The following MSI2 variants were observed in gnomAD, a reference collection of about 807,000 sequenced individuals.
MSI2 encodes musashi RNA binding protein 2.
MSI2 carries 17 observed loss-of-function variants against 45.6 expected under a neutral mutation model. That is an observed-to-expected ratio of 0.37 (90% CI 0.26 to 0.56). The LOEUF is 0.56. Among genes scored for constraint, MSI2 ranks in the 20% least tolerant of loss-of-function variants. MSI2 has a pLI of 0.77. For missense variants in MSI2, 293 were observed against 444.2 expected (o/e 0.66, Z 3.06); for synonymous variants, 156 against 158.2 (o/e 0.99, Z 0.11).
intron 8 of MSI2, among the ~76,000 whole-genome samples, chr17:57,602,509 C>G (rs1457403755): frequency 1.3e-5 from 2 of 152,152 alleles, no homozygotes; most frequent in African/African-American, 2.4e-5. Context: ...TGCGCCACCA[C>G]GCCCAGCTAA....
chr17:57,330,524 C>T (rs1437381496), intron 5 of MSI2, among the ~76,000 whole-genome samples: 1 of 152,110 alleles, frequency 6.6e-6, no homozygotes, highest in Non-Finnish European at 1.5e-5. Context: ...GGTTATCTGT[C>T]TGCCTCGGCC....
chr17:57,652,012 G>T lies in MSI2; in HGVS notation c.728-87G>T, dbSNP rs893077536. 1.7e-6 allele frequency: 2 copies of T among 1,205,306 alleles called. No individual in the cohort carries two copies. Among genetic ancestry groups the T allele is most frequent in the South Asian group, 1.2e-5 (1 of 81,468 alleles). 74.7% of individuals were successfully genotyped at this position (1,205,306 alleles called of 1,614,324 possible). A position where few individuals can be genotyped will look rare whatever the true frequency, so the allele number is the denominator to read the frequency against. On this transcript the variant is annotated intron_variant, in intron 10 of 13. Coordinates refer to ENST00000284073, the MANE Select transcript of MSI2 (RefSeq NM_138962.4). The surrounding 1 kb of genome is among the most constrained non-coding windows in gnomAD (Gnocchi z 4.1). ...CCACTCCTGTCTTTGTGTGGAGGGCGGGGGGTTGTGTGGCCCGTGACCTAG... is the reference window on the plus strand; with the variant it reads ...CCACTCCTGTCTTTGTGTGGAGGGCTGGGGGTTGTGTGGCCCGTGACCTAG...
rs1048107232 is a variant in MSI2, at chr17:57,676,713, C to G, written c.946-274C>G. Among the ~76,000 whole-genome samples, 3 of 152,214 alleles carry G rather than the reference C, an allele frequency of 2.0e-5. No individual in the cohort carries two copies. The East Asian group carries it at 5.8e-4, about 29-fold the overall frequency. ...ACATGCCCATCACTGGGGGCACAAACCCCCGTTTCCCACCATCCACCCACG... is the reference window on the plus strand; with the variant it reads ...ACATGCCCATCACTGGGGGCACAAAGCCCCGTTTCCCACCATCCACCCACG... On this transcript the variant is annotated intron_variant, in intron 12 of 13. Transcript: ENST00000284073.
intron 7 of MSI2, among the ~76,000 whole-genome samples, chr17:57,589,835 T>A (rs1736692031): frequency 6.6e-6 from 1 of 152,226 alleles, no homozygotes; most frequent in African/African-American, 2.4e-5. Context: ...GTCACTGAAC[T>A]GTGCAGAGCA....
rs186635155 is a variant in MSI2 at position 57,348,259 on chromosome 17, A to G, written c.313-53120A>G. On this transcript the variant is annotated intron_variant, in intron 5 of 13. Coordinates refer to ENST00000284073, the MANE Select transcript of MSI2 (RefSeq NM_138962.4). ...TAGGGGTTGAGTTGGGAGTCACAGG[A>G]GGCAGGCAGGGAGTGATGGATGCCT... Among the ~76,000 whole-genome samples, 191 of 152,248 alleles carry G rather than the reference A, an allele frequency of 1.3e-3. 2 individuals are homozygous for G. The highest frequency in any genetic ancestry group is 0.01 in the East Asian group (54 of 5,166).
chr17:57,617,194 G>T (rs532725341), intron 9 of MSI2, among the ~76,000 whole-genome samples: 1 of 152,324 alleles, frequency 6.6e-6, no homozygotes, highest in South Asian at 2.1e-4. Context: ...AAAGATGCCA[G>T]GAGAATATTA....
intron 7 of MSI2, among the ~76,000 whole-genome samples, chr17:57,591,601 C>T (rs1265228818): frequency 6.6e-6 from 1 of 151,800 alleles, no homozygotes; most frequent in Non-Finnish European, 1.5e-5. Flanking sequence ...GTGGCACACA[C>T]CTGTAGTCTC....
At chr17:57,513,384 A>C (rs1364311667) in intron 6 of MSI2, among the ~76,000 whole-genome samples, 3 of 152,216 alleles carry the variant, frequency 2.0e-5, no homozygotes, top group African/African-American at 7.2e-5. Context: ...CACACAGCTA[A>C]TAAATACTAG....
chr17:57,316,682 C>T (rs981382757), intron 5 of MSI2, among the ~76,000 whole-genome samples: 12 of 152,156 alleles, frequency 7.9e-5, no homozygotes, highest in African/African-American at 2.4e-4. Context: ...CCCATGTGTA[C>T]TTGCCCCCTT....
intron 5 of MSI2, among the ~76,000 whole-genome samples, chr17:57,291,373 G>A (rs1247826518): frequency 6.6e-6 from 1 of 152,148 alleles, no homozygotes; most frequent in Non-Finnish European, 1.5e-5. Context: ...ATAGCAGAGA[G>A]GATACAATTC....
At chr17:57,639,193 G>T (rs530564629) in intron 10 of MSI2, among the ~76,000 whole-genome samples, 3 of 152,256 alleles carry the variant, frequency 2.0e-5, no homozygotes, top group African/African-American at 7.2e-5. Flanking sequence ...ATAAATTTTG[G>T]CAGGGACATA....
intron 5 of MSI2, among the ~76,000 whole-genome samples, chr17:57,287,134 T>TG (rs1259235852): frequency 1.1e-4 from 17 of 151,624 alleles, no homozygotes; most frequent in Non-Finnish European, 2.4e-4. Context: ...AAAAGTTGTT[T>TG]TTTTTTTTTT....
chr17:57,553,398 T>C (rs905355141), intron 7 of MSI2, among the ~76,000 whole-genome samples: 9 of 152,178 alleles, frequency 5.9e-5, no homozygotes, highest in Non-Finnish European at 1.2e-4. Flanking sequence ...TTTTCTAGGC[T>C]GGGATGAAAG....
chr17:57,670,891 G>C (rs1912723720), intron 11 of MSI2, among the ~76,000 whole-genome samples: 1 of 152,182 alleles, frequency 6.6e-6, no homozygotes, highest in Non-Finnish European at 1.5e-5. Flanking sequence ...TCTTGAAGCA[G>C]TCCCATGAGT....
chr17:57,652,272 A>C lies in MSI2; in HGVS notation c.790+111A>C, dbSNP rs1598494009. The C allele has an allele frequency of 6.4e-6, 7 of 1,097,068 alleles. No individual in the cohort carries two copies. Among genetic ancestry groups the C allele is most frequent in the Non-Finnish European group, 9.4e-6 (7 of 742,122 alleles). 68.0% of individuals were successfully genotyped at this position (1,097,068 alleles called of 1,614,324 possible). ...GCATCTGTCCAACACCACTCTCACCACAGCCCCGGGGAGGGGGTGGACGGG... is the reference window on the plus strand; with the variant it reads ...GCATCTGTCCAACACCACTCTCACCCCAGCCCCGGGGAGGGGGTGGACGGG... On this transcript the variant is annotated intron_variant, in intron 11 of 13. Transcript: ENST00000284073. This position sits in a 1 kb window ranked among gnomAD's most constrained non-coding sequence, Gnocchi z 4.1.
intron 1 of MSI2, 108 bp downstream of exon 1, chr17:57,256,912 C>A (rs1260375786): frequency 3.5e-6 from 2 of 577,332 alleles, no homozygotes; most frequent in African/African-American, 4.2e-5. Context: ...CCCGCCTCTC[C>A]CGCGCGCCCC....
At chr17:57,430,953 A>C (rs546526289) in intron 6 of MSI2, among the ~76,000 whole-genome samples, 3 of 152,362 alleles carry the variant, frequency 2.0e-5, no homozygotes, top group Non-Finnish European at 2.9e-5. Context: ...TTATGATTTT[A>C]GGAGCACGGA....
At chr17:57,547,741 TACACACACACAC>T (rs34631177) in intron 7 of MSI2, among the ~76,000 whole-genome samples, 1,551 of 123,420 alleles carry the variant, frequency 0.013, 15 homozygotes, top group Non-Finnish European at 0.018. Flanking sequence ...AGACAAAAAG[TACACACACACAC>T]ACACACACAC....
chr17:57,536,183 G>T (rs1296013302), intron 7 of MSI2, among the ~76,000 whole-genome samples: 3 of 152,162 alleles, frequency 2.0e-5, no homozygotes, highest in African/African-American at 7.2e-5. Context: ...TGTAGGTGTG[G>T]GATGTCAGAC....
Sources: gnomAD v4.1 joint callset for allele counts (sites outside exome capture counted in the v4.1 genomes callset) on GRCh38, gnomAD v4.1.1 for gene constraint, Gnocchi (gnomAD v3.1) non-coding constraint, MANE v1.5 for transcripts, NCBI Gene and HGNC (gene_info 2026-07-23, HGNC 2026-07-21) for gene names.